Variants in RBPJ observed in about 807,000 individuals in gnomAD.
RBPJ encodes recombining binding protein suppressor of hairless.
A neutral mutation model predicts 67.8 loss-of-function variants in RBPJ; 9 were observed. The ratio of observed to expected loss-of-function variants is 0.13; its 90% CI spans 0.08 to 0.23. The LOEUF is 0.23. RBPJ is among the 10% of genes least tolerant of loss of function. The pLI is 1.00. For synonymous variants in RBPJ, 198 were observed against 203.3 expected (o/e 0.97, Z 0.22); for missense variants, 305 against 595.6 (o/e 0.51, Z 5.08).
intron 2 of RBPJ, among the ~76,000 whole-genome samples, chr4:26,397,475 T>C (rs1732249398): frequency 6.6e-6 from 1 of 152,226 alleles, no homozygotes; most frequent in South Asian, 2.1e-4. Context: ...TTGATTTAAT[T>C]AGAATTCTGT....
intron 1 of RBPJ, among the ~76,000 whole-genome samples, chr4:26,265,817 TCACGAGGTCA>T (rs946244216): frequency 4.0e-5 from 6 of 151,874 alleles, no homozygotes; most frequent in African/African-American, 1.5e-4. Context: ...GGTGGGTGGA[TCACGAGGTCA>T]GGAGTTCAAG....
the RBPJ span, among the ~76,000 whole-genome samples, chr4:26,147,840 G>T: frequency 3.3e-5 from 5 of 152,174 alleles, no homozygotes; most frequent in Non-Finnish European, 5.9e-5. Flanking sequence ...GCAGTAATTT[G>T]TTTAGGTGAG....
intron 1 of RBPJ, among the ~76,000 whole-genome samples, chr4:26,283,388 T>C (rs1375461727): frequency 6.6e-6 from 1 of 151,346 alleles, no homozygotes; most frequent in African/African-American, 2.4e-5. Flanking sequence ...CTACTAAGAC[T>C]ACAAAAATTA....
At chr4:26,107,149 C>T in the RBPJ span, among the ~76,000 whole-genome samples, 1 of 152,206 alleles carries the variant, frequency 6.6e-6, no homozygotes, top group Non-Finnish European at 1.5e-5. Context: ...TCTGGGCAAT[C>T]CCAAGTACTT....
chr4:26,349,999 TAAA>T (rs1476057582), intron 1 of RBPJ, among the ~76,000 whole-genome samples: 12 of 152,226 alleles, frequency 7.9e-5, no homozygotes, highest in Non-Finnish European at 1.5e-4. Flanking sequence ...ATGCTTTTAT[TAAA>T]GAAGTCAAGA....
At chr4:26,382,473 A>G (rs114494987) in intron 1 of RBPJ, among the ~76,000 whole-genome samples, 43 of 152,320 alleles carry the variant, frequency 2.8e-4, no homozygotes, top group African/African-American at 1.0e-3. Context: ...GTGTATCCCT[A>G]TGGAGATTTA....
intron 1 of RBPJ, among the ~76,000 whole-genome samples, chr4:26,308,085 G>A (rs1242918794): frequency 6.6e-6 from 1 of 152,188 alleles, no homozygotes; most frequent in African/African-American, 2.4e-5. Flanking sequence ...GACCATCCTG[G>A]CTAACATGGT....
chr4:26,341,701 T>C (rs932589531), intron 1 of RBPJ, among the ~76,000 whole-genome samples: 3 of 151,072 alleles, frequency 2.0e-5, no homozygotes, highest in Non-Finnish European at 4.4e-5. Flanking sequence ...TGGAGGGAAC[T>C]GTTAAGTTTT....
intron 3 of RBPJ, among the ~76,000 whole-genome samples, chr4:26,412,161 G>C (rs1734093897): frequency 1.3e-5 from 2 of 149,282 alleles, no homozygotes; most frequent in Non-Finnish European, 3.0e-5. Context: ...ATTGAGATTT[G>C]ACTACTGTAT....
upstream of RBPJ, among the ~76,000 whole-genome samples, chr4:26,319,411 C>T (rs1244509874): frequency 2.0e-5 from 3 of 151,996 alleles, no homozygotes; most frequent in Non-Finnish European, 2.9e-5. Flanking sequence ...CCGCCCTCCG[C>T]CCCGTGCTCC....
At chr4:26,230,575 T>A (rs1719242953) in intron 1 of RBPJ, among the ~76,000 whole-genome samples, 1 of 152,222 alleles carries the variant, frequency 6.6e-6, no homozygotes, top group African/African-American at 2.4e-5. Context: ...GGTTGGACCT[T>A]GAAAGACTAA....
At chr4:26,167,782 C>G (rs1179628389) in intron 1 of RBPJ, among the ~76,000 whole-genome samples, 1 of 149,174 alleles carries the variant, frequency 6.7e-6, no homozygotes, top group Non-Finnish European at 1.5e-5. Context: ...AGAGGGCATC[C>G]CTGTCTTGTG....
rs188369008 is a variant in RBPJ at position 26,364,994 on chromosome 4, T to G, written c.21-21359T>G. Among the ~76,000 whole-genome samples, 666 of 152,090 alleles carry G rather than the reference T, an allele frequency of 4.4e-3. 5 individuals are homozygous for G. Among genetic ancestry groups the G allele is most frequent in the African/African-American group, 0.015 (642 of 41,514 alleles). On this transcript the variant is annotated intron_variant, in intron 1 of 10. Transcript: ENST00000355476. Reference sequence around the variant, plus strand: ...CTCACCTGCATTTCAAATCTAATCCTTCCCTTATTATTGTGACAAGTTCTA... The same window carrying G: ...CTCACCTGCATTTCAAATCTAATCCGTCCCTTATTATTGTGACAAGTTCTA...
At chr4:26,281,358 A>G (rs1232796166) in intron 1 of RBPJ, among the ~76,000 whole-genome samples, 1 of 152,052 alleles carries the variant, frequency 6.6e-6, no homozygotes, top group Non-Finnish European at 1.5e-5. Context: ...GGCTCACTGC[A>G]ACCTCCACCT....
Position 26,331,318 on chromosome 4 carries a change from C to T in RBPJ, c.20+10270C>T, listed in dbSNP as rs367809088. On this transcript the variant is annotated intron_variant, in intron 1 of 10. Transcript: ENST00000355476. ...CCCAGGCTGATCTTAAACTTCTGGG[C>T]TTAAGGGATCTGCCGGCCTCAGCCT... 7.2e-5 allele frequency among the ~76,000 whole-genome samples: 11 copies of T among 152,080 alleles called. No homozygotes were observed. In the East Asian group the frequency reaches 1.4e-3, roughly 19 times the overall value.
chr4:26,390,023 CAT>C (rs1731343078), intron 2 of RBPJ, among the ~76,000 whole-genome samples: 1 of 152,120 alleles, frequency 6.6e-6, no homozygotes, highest in Admixed American at 6.5e-5. Flanking sequence ...CCCTTGTGAA[CAT>C]AGTTATAAAA....
intron 1 of RBPJ, among the ~76,000 whole-genome samples, chr4:26,241,555 A>C (rs761125720): frequency 6.6e-5 from 10 of 151,926 alleles, no homozygotes; most frequent in Non-Finnish European, 1.0e-4. Context: ...TCTGTCACCC[A>C]GGCTGGAGTA....
chr4:26,424,596 G>C lies in RBPJ; in HGVS notation c.635-35G>C. On this transcript the variant is annotated intron_variant, in intron 6 of 10. Transcript: ENST00000355476. The surrounding 1 kb of genome is among the most constrained non-coding windows in gnomAD (Gnocchi z 5.3). ...CCTAATCATAAAATAAATTTAAAAA[G>C]ATGACAATTTGATTTATTTTTCCAC... is the stretch of plus-strand genomic sequence containing the variant. The C allele has an allele frequency of 6.4e-7, 1 of 1,562,402 alleles. No individual in the cohort carries two copies. Among genetic ancestry groups the C allele is most frequent in the Non-Finnish European group, 8.8e-7 (1 of 1,140,618 alleles).
chr4:26,130,254 CCAGCA>C, the RBPJ span, among the ~76,000 whole-genome samples: 1 of 152,200 alleles, frequency 6.6e-6, no homozygotes, highest in Non-Finnish European at 1.5e-5. Flanking sequence ...GCAAGTTAGG[CCAGCA>C]CATAGTTCAC....
Sources: allele counts gnomAD v4.1 joint callset (sites outside exome capture counted in the v4.1 genomes callset), GRCh38; gene constraint gnomAD v4.1.1; non-coding constraint Gnocchi (gnomAD v3.1); transcripts MANE v1.5; gene names NCBI Gene and HGNC (gene_info 2026-07-23, HGNC 2026-07-21).